Variants in TMEM52B observed in about 807,000 individuals in gnomAD.
The protein encoded by TMEM52B is transmembrane protein 52B.
A neutral mutation model predicts 16.1 loss-of-function variants in TMEM52B; 11 were observed. The observed-to-expected ratio is 0.68, with a 90% CI of 0.43 to 1.13. The LOEUF (loss-of-function observed/expected upper bound fraction) is 1.13. Among genes scored for constraint, TMEM52B ranks in the 50% most tolerant of loss-of-function variants. The pLI is 0.00. For missense variants in TMEM52B, 243 were observed against 230.4 expected (o/e 1.05, Z -0.35); for synonymous variants, 101 against 93.8 (o/e 1.08, Z -0.45).
At chr12:10,182,726 A>G (rs1948838380) in intron 2 of TMEM52B, 133 bp downstream of exon 2, 1 of 946,588 alleles carries the variant, frequency 1.1e-6, no homozygotes. Flanking sequence ...GATCTCATAG[A>G]TGACTTATCA....
Position 10,186,561 on chromosome 12 carries a change from C to G in TMEM52B, c.279C>G (p.His93Gln). The part of the protein sequence containing the change: ...PCEVTVIAFD[H>Q]DSTLQSTITS... ...AAGTGACCGTCATTGCTTTCGATCA[C>G]GACAGCACTCTCCAGAGCACTATCA... The change falls in exon 4 of 5, where the codon CAC becomes CAG. Residue 93 changes from histidine (H) to glutamine (Q), a missense_variant. Physicochemically the swap from His to Gln is conservative, Grantham distance 24. Coordinates refer to ENST00000543484, the MANE Select transcript of TMEM52B (RefSeq NM_001384896.1). The G allele has an allele frequency of 6.2e-7, 1 of 1,603,862 alleles. No individual in the cohort carries two copies. The highest frequency in any genetic ancestry group is 8.5e-7 in the Non-Finnish European group (1 of 1,172,440).
intron 4 of TMEM52B, among the ~76,000 whole-genome samples, chr12:10,189,021 A>T (rs1318441133): frequency 1.3e-4 from 3 of 23,792 alleles, no homozygotes; most frequent in Non-Finnish European, 7.8e-5. Context: ...CGTCTCAAAA[A>T]AAAAAAAAAA....
chr12:10,188,444 G>C (rs1223244745), intron 4 of TMEM52B, among the ~76,000 whole-genome samples: 1 of 148,298 alleles, frequency 6.7e-6, no homozygotes. Context: ...GGGCTACAGA[G>C]TGAGACACCA....
chr12:10,189,581 C>G lies in TMEM52B; in HGVS notation c.308-315C>G, dbSNP rs543271753. The stretch of plus-strand genomic sequence containing the variant: ...GGAGGTTGCAATGAGCCAAGATCCA[C>G]CATTGCACTCCAGCCTGGGCAACAA... On this transcript the variant is annotated intron_variant, in intron 4 of 4. Coordinates refer to ENST00000543484, the MANE Select transcript of TMEM52B (RefSeq NM_001384896.1). 4.1e-5 allele frequency among the ~76,000 whole-genome samples: 6 copies of G among 146,252 alleles called. No homozygotes were observed. In the South Asian group the frequency reaches 1.3e-3, roughly 31 times the overall value.
At chr12:10,187,779 T>C (rs1948898015) in intron 4 of TMEM52B, among the ~76,000 whole-genome samples, 1 of 152,074 alleles carries the variant, frequency 6.6e-6, no homozygotes, top group African/African-American at 2.4e-5. Context: ...GAACACCAGC[T>C]GGCAAAATGT....
At chr12:10,180,599 A>C (rs1948811465) in intron 1 of TMEM52B, among the ~76,000 whole-genome samples, 1 of 152,174 alleles carries the variant, frequency 6.6e-6, no homozygotes, top group Admixed American at 6.5e-5. Flanking sequence ...GCTGGCCATT[A>C]ATCCTTTTAC....
At chr12:10,174,507 G>C (rs1948751859), upstream of TMEM52B, among the ~76,000 whole-genome samples, 1 of 152,102 alleles carries the variant, frequency 6.6e-6, no homozygotes, top group Non-Finnish European at 1.5e-5. Context: ...AGAACAAAAA[G>C]CTTCTAACCT....
chr12:10,179,533 G>A lies in TMEM52B; in HGVS notation c.-42G>A. 3 of 1,610,248 alleles carry A rather than the reference G, an allele frequency of 1.9e-6. No homozygotes were observed. Among genetic ancestry groups the A allele is most frequent in the Non-Finnish European group, 2.6e-6 (3 of 1,176,454 alleles). On this transcript the variant is annotated 5_prime_UTR_variant, in exon 1 of 5. Coordinates refer to ENST00000543484, the MANE Select transcript of TMEM52B (RefSeq NM_001384896.1). ...CACAGAGCATTGAAAGGAGGCAACGGATGCCCAGTGCAAGATTCTGAAGAA... is the reference window on the plus strand; with the variant it reads ...CACAGAGCATTGAAAGGAGGCAACGAATGCCCAGTGCAAGATTCTGAAGAA...
In TMEM52B at chr12:10,189,794, T is replaced by C. The variant is rs917220775; in HGVS notation, c.308-102T>C. 3 of 1,493,054 alleles carry C rather than the reference T, an allele frequency of 2.0e-6. No individual in the cohort carries two copies. In the Admixed American group the frequency reaches 6.4e-5, roughly 32 times the overall value. 92.5% of individuals were successfully genotyped at this position (1,493,054 alleles called of 1,614,324 possible). ...AAGGAGTGACAATGAGTTTGGATAC[T>C]TGTAAAAAATGAAGCGACAGTTAAG... On this transcript the variant is annotated intron_variant, in intron 4 of 4. Transcript: ENST00000543484.
chr12:10,177,283 T>C (rs1021906703), upstream of TMEM52B, among the ~76,000 whole-genome samples: 3 of 152,196 alleles, frequency 2.0e-5, no homozygotes, highest in Non-Finnish European at 4.4e-5. Flanking sequence ...AGTGCTCATT[T>C]CGTCTTGAAA....
At chr12:10,173,158 T>A (rs376756488) in intron 1 of TMEM52B, among the ~76,000 whole-genome samples, 1 of 152,218 alleles carries the variant, frequency 6.6e-6, no homozygotes, top group Non-Finnish European at 1.5e-5. Context: ...CCCATAAGTA[T>A]GTCTATATGT....
intron 1 of TMEM52B, among the ~76,000 whole-genome samples, chr12:10,181,962 G>A (rs1948828087): frequency 1.4e-5 from 2 of 145,398 alleles, no homozygotes; most frequent in Non-Finnish European, 3.0e-5. Flanking sequence ...GGGAGGTAGA[G>A]GTTGCAGTGA....
chr12:10,183,079 C>CA (rs1432991406), intron 2 of TMEM52B, among the ~76,000 whole-genome samples: 1 of 152,162 alleles, frequency 6.6e-6, no homozygotes, highest in Non-Finnish European at 1.5e-5. Flanking sequence ...CCAAACCTGT[C>CA]ACACTTAAGT....
At chr12:10,179,744 G>A in intron 1 of TMEM52B, 116 bp downstream of exon 1, 1 of 1,198,600 alleles carries the variant, frequency 8.3e-7, no homozygotes, top group Non-Finnish European at 1.2e-6. Flanking sequence ...AACCCAGGGG[G>A]TCATAGGGAA....
Position 10,186,565 on chromosome 12 carries a change from A to G in TMEM52B, c.283A>G (p.Ser95Gly). ...GACCGTCATTGCTTTCGATCACGAC[A>G]GCACTCTCCAGAGCACTATCACATG... Reference protein sequence around the residue: ...EVTVIAFDHDSTLQSTITSLQ... With the variant: ...EVTVIAFDHDGTLQSTITSLQ... Residue 95 changes from serine to glycine, a missense_variant, in exon 4 of 5, where the codon AGC (serine) becomes GGC (glycine). Ser to Gly is a moderately conservative substitution (Grantham distance 56). Coordinates refer to ENST00000543484, the MANE Select transcript of TMEM52B (RefSeq NM_001384896.1). 1 of 1,602,812 alleles carries G rather than the reference A, an allele frequency of 6.2e-7. No homozygotes were observed.
At chr12:10,188,810 A>G (rs10845059) in intron 4 of TMEM52B, among the ~76,000 whole-genome samples, 142,848 of 151,670 alleles carry the variant, frequency 0.94, 67,500 homozygotes, top group East Asian at 1. Context: ...CAAGGTCAGG[A>G]GATCGAGACC....
intron 1 of TMEM52B, among the ~76,000 whole-genome samples, chr12:10,173,309 A>T (rs1948738900): frequency 6.6e-6 from 1 of 152,222 alleles, no homozygotes; most frequent in African/African-American, 2.4e-5. Flanking sequence ...CTCCAGGAAA[A>T]AAAAGTGCAA....
At chr12:10,187,995 AAG>A (rs775406190) in intron 4 of TMEM52B, among the ~76,000 whole-genome samples, 21 of 152,068 alleles carry the variant, frequency 1.4e-4, no homozygotes, top group Non-Finnish European at 2.2e-4. Flanking sequence ...GCTACTTGGG[AAG>A]CTGAGGCGTG....
chr12:10,189,275 G>C (rs1047652140), intron 4 of TMEM52B, among the ~76,000 whole-genome samples: 4 of 151,742 alleles, frequency 2.6e-5, no homozygotes, highest in African/African-American at 9.7e-5. Context: ...TCGGGGGCTG[G>C]GGGAAAGGGA....
Sources: allele counts gnomAD v4.1 joint callset (sites outside exome capture counted in the v4.1 genomes callset), GRCh38; gene constraint gnomAD v4.1.1; transcripts MANE v1.5; gene names NCBI Gene and HGNC (gene_info 2026-07-23, HGNC 2026-07-21).